The following GATAD2B variants were observed in gnomAD, a reference collection of about 807,000 sequenced individuals.
GATAD2B encodes the protein transcriptional repressor p66-beta.
Under a neutral mutation model 64.3 loss-of-function variants are expected in GATAD2B, and 8 were observed. That is an observed-to-expected ratio of 0.12 (90% CI 0.07 to 0.22). The LOEUF (loss-of-function observed/expected upper bound fraction) is 0.22, where lower values mean the gene tolerates loss of function less well. Ranked by LOEUF, GATAD2B falls within the 10% of genes least tolerant of loss-of-function variation. GATAD2B has a pLI of 1.00. For missense variants in GATAD2B, 453 were observed against 752.0 expected (o/e 0.60, Z 4.65); for synonymous variants, 281 against 271.3 (o/e 1.04, Z -0.35).
chr1:153,890,367 A>G (rs1225889041), intron 1 of GATAD2B, among the ~76,000 whole-genome samples: 1 of 150,770 alleles, frequency 6.6e-6, no homozygotes, highest in African/African-American at 2.4e-5. Flanking sequence ...ACGCACCTGT[A>G]GTCCCAGCTA....
At position 153,817,280 on chromosome 1, in the gene GATAD2B, T is replaced by C. The variant is rs983326636; in HGVS notation, c.900+92A>G. ...CCATTTTTGTCCTAGAGTTTATCTA[T>C]GTATAAAAACTTAAAACCTATGGCC... On this transcript the variant is annotated intron_variant, in intron 6 of 10. Transcript: ENST00000368655. 64 of 1,203,780 alleles carry C rather than the reference T, an allele frequency of 5.3e-5. 1 individual carries two copies. The highest frequency in any genetic ancestry group is 3.6e-4 in the South Asian group (20 of 56,048). 74.6% of individuals were successfully genotyped at this position (1,203,780 alleles called of 1,614,324 possible).
At chr1:153,826,427 G>A (rs1031688699) in intron 2 of GATAD2B, among the ~76,000 whole-genome samples, 3 of 152,060 alleles carry the variant, frequency 2.0e-5, no homozygotes, top group African/African-American at 4.8e-5. Context: ...TCAGGAGTTC[G>A]AGACCAGCCG....
chr1:153,859,675 A>T (rs1224108107), intron 1 of GATAD2B, among the ~76,000 whole-genome samples: 2 of 151,560 alleles, frequency 1.3e-5, no homozygotes. Flanking sequence ...ATCTCAAAAA[A>T]AAATAATAAA....
rs144661824 is a variant in GATAD2B at position 153,843,602 on chromosome 1, C to G, written c.-1-15254G>C. Among the ~76,000 whole-genome samples, 31 of 152,008 alleles carry G rather than the reference C, an allele frequency of 2.0e-4. No homozygotes were observed. In the East Asian group the frequency reaches 5.6e-3, roughly 27 times the overall value. On this transcript the variant is annotated intron_variant, in intron 1 of 10. Transcript: ENST00000368655. ...CAATTTTTTATATTTAAAATTTGTC[C>G]AAGTAACTGCATAAAGCTCTACTTC... is the stretch of plus-strand genomic sequence containing the variant.
chr1:153,860,156 C>A (rs529851143), intron 1 of GATAD2B, among the ~76,000 whole-genome samples: 23 of 151,996 alleles, frequency 1.5e-4, no homozygotes, highest in Non-Finnish European at 2.6e-4. Flanking sequence ...CTCAAGTAAT[C>A]CACCTGCCTT....
At chr1:153,811,969 A>G in intron 9 of GATAD2B, 53 bp downstream of exon 9, 1 of 1,326,940 alleles carries the variant, frequency 7.5e-7, no homozygotes, top group Non-Finnish European at 1.1e-6. Context: ...AAATTGTGAT[A>G]AATGGCTGAT....
At chr1:153,881,679 T>G (rs1170826901) in intron 1 of GATAD2B, among the ~76,000 whole-genome samples, 2 of 152,106 alleles carry the variant, frequency 1.3e-5, no homozygotes, top group East Asian at 3.8e-4. Context: ...AGGTATACAT[T>G]TTTCCGTTCC....
intron 1 of GATAD2B, among the ~76,000 whole-genome samples, chr1:153,921,687 G>A (rs1340971164): frequency 6.6e-6 from 1 of 151,998 alleles, no homozygotes; most frequent in East Asian, 1.9e-4. Flanking sequence ...ATTTTCCAGG[G>A]GACAACAGAG....
At chr1:153,870,490 G>A (rs1676625369) in intron 1 of GATAD2B, among the ~76,000 whole-genome samples, 1 of 152,032 alleles carries the variant, frequency 6.6e-6, no homozygotes, top group African/African-American at 2.4e-5. Flanking sequence ...GGAGAATGGC[G>A]TGAACCCAGG....
At chr1:153,892,286 A>AGT (rs1401345101) in intron 1 of GATAD2B, among the ~76,000 whole-genome samples, 2 of 152,130 alleles carry the variant, frequency 1.3e-5, no homozygotes, top group Admixed American at 1.3e-4. Flanking sequence ...AGACTATTAT[A>AGT]GTATATAGAA....
chr1:153,809,940 T>C lies in GATAD2B; in HGVS notation c.*237A>G. ...GATCCACCTCACTGTTAAAGAAAAC[T>C]GAAGAGAGAAGACAGAGCGGCAGAA... On this transcript the variant is annotated 3_prime_UTR_variant, in exon 11 of 11. Transcript: ENST00000368655. 2 of 421,086 alleles carry C rather than the reference T, an allele frequency of 4.7e-6. No individual in the cohort carries two copies. 26.1% of individuals were successfully genotyped at this position (421,086 alleles called of 1,614,324 possible).
intron 1 of GATAD2B, among the ~76,000 whole-genome samples, chr1:153,882,188 C>T (rs545854739): frequency 1.1e-3 from 166 of 152,166 alleles, no homozygotes; most frequent in Non-Finnish European, 2.1e-3. Flanking sequence ...AGCCTAGTGC[C>T]AAACTTTGTC....
chr1:153,884,300 C>T (rs998215232), intron 1 of GATAD2B, among the ~76,000 whole-genome samples: 7 of 152,148 alleles, frequency 4.6e-5, no homozygotes, highest in Admixed American at 2.0e-4. Context: ...ATTAGCCAGG[C>T]GTGGTGATGG....
chr1:153,896,311 C>G (rs1007053757), intron 1 of GATAD2B, among the ~76,000 whole-genome samples: 1 of 151,988 alleles, frequency 6.6e-6, no homozygotes. Context: ...CAAAGAAGAA[C>G]TGGATTCTCC....
At chr1:153,856,018 A>G (rs1271612101) in intron 1 of GATAD2B, among the ~76,000 whole-genome samples, 1 of 152,092 alleles carries the variant, frequency 6.6e-6, no homozygotes, top group Non-Finnish European at 1.5e-5. Context: ...CTAGAGGAAA[A>G]TCCATTGTCC....
At chr1:153,903,755 G>A (rs77986451) in intron 1 of GATAD2B, among the ~76,000 whole-genome samples, 1,777 of 152,202 alleles carry the variant, frequency 0.012, 32 homozygotes, top group East Asian at 0.062. Context: ...AGGCTGAGGC[G>A]GGCAGACAGC....
intron 1 of GATAD2B, among the ~76,000 whole-genome samples, chr1:153,866,741 T>C (rs761823342): frequency 6.6e-6 from 1 of 152,176 alleles, no homozygotes; most frequent in Non-Finnish European, 1.5e-5. Context: ...GGTTTCATTT[T>C]TGATGCTACA....
chr1:153,810,566 T>A lies in GATAD2B; in HGVS notation c.1649-256A>T, dbSNP rs141977621. Reference sequence around the variant, plus strand: ...GCCTCCCAGACTCAAGCAATTCTCCTGCCTCAGCCTCCAGAGTAGCTGGAA... The same window carrying A: ...GCCTCCCAGACTCAAGCAATTCTCCAGCCTCAGCCTCCAGAGTAGCTGGAA... On this transcript the variant is annotated intron_variant, in intron 10 of 10. Transcript: ENST00000368655. Among the ~76,000 whole-genome samples, 290 of 152,320 alleles carry A rather than the reference T, an allele frequency of 1.9e-3. 2 individuals carry two copies. The highest frequency in any genetic ancestry group is 6.6e-3 in the African/African-American group (274 of 41,576).
At chr1:153,843,114 G>A (rs1557798285) in intron 1 of GATAD2B, among the ~76,000 whole-genome samples, 1 of 151,554 alleles carries the variant, frequency 6.6e-6, no homozygotes, top group Non-Finnish European at 1.5e-5. Context: ...GCCATGCCAG[G>A]CTAATTTTTG....
Sources: allele counts gnomAD v4.1 joint callset (sites outside exome capture counted in the v4.1 genomes callset), GRCh38; gene constraint gnomAD v4.1.1; transcripts MANE v1.5; gene names NCBI Gene and HGNC (gene_info 2026-07-23, HGNC 2026-07-21).